The following ADAM12 variants were observed in gnomAD, a reference collection of about 807,000 sequenced individuals.
ADAM12 encodes the protein ADAM metallopeptidase domain 12.
In ADAM12, 70 loss-of-function variants were observed where a neutral mutation model predicts 106.4. That is an observed-to-expected ratio of 0.66 (90% CI 0.54 to 0.80). The LOEUF (loss-of-function observed/expected upper bound fraction) is 0.80. Among genes scored for constraint, ADAM12 ranks in the 30% least tolerant of loss-of-function variants. The pLI is 0.00. For missense variants in ADAM12, 1,010 were observed against 1,171.9 expected (o/e 0.86, Z 2.02); for synonymous variants, 420 against 433.5 (o/e 0.97, Z 0.39).
intron 1 of ADAM12, among the ~76,000 whole-genome samples, chr10:126,360,814 A>G (rs1361717454): frequency 6.6e-6 from 1 of 152,182 alleles, no homozygotes; most frequent in Non-Finnish European, 1.5e-5. Flanking sequence ...ACTGGTACCA[A>G]TTTACTGTAT....
chr10:126,218,384 G>A (rs1958028715), intron 3 of ADAM12, among the ~76,000 whole-genome samples: 1 of 152,158 alleles, frequency 6.6e-6, no homozygotes, highest in East Asian at 1.9e-4. Context: ...TTTGCAGAGG[G>A]GGAAACCAAG....
chr10:126,318,757 C>G (rs574948077), intron 2 of ADAM12, among the ~76,000 whole-genome samples: 2 of 152,310 alleles, frequency 1.3e-5, no homozygotes, highest in African/African-American at 4.8e-5. Flanking sequence ...TTAGTCTACT[C>G]TCACACTGCT....
rs144910661 is a variant in ADAM12, at chr10:126,132,271, G to A, written c.416+3313C>T. Among the ~76,000 whole-genome samples, 1,271 of 152,108 alleles carry A rather than the reference G, an allele frequency of 8.4e-3. 11 individuals carry two copies. The highest frequency in any genetic ancestry group is 0.017 in the Middle Eastern group (5 of 294). Reference sequence around the variant, plus strand: ...TACAGGCGTGAGCCACCGCGCCCCCGGGCAGCTTTTCTCTTCTTTACACAC... The same window carrying A: ...TACAGGCGTGAGCCACCGCGCCCCCAGGCAGCTTTTCTCTTCTTTACACAC... On this transcript the variant is annotated intron_variant, in intron 5 of 22. Transcript: ENST00000448723.
chr10:126,157,032 T>G lies in ADAM12; in HGVS notation c.261-1727A>C, dbSNP rs11244852. Among the ~76,000 whole-genome samples, 1,476 of 151,290 alleles carry G rather than the reference T, an allele frequency of 9.8e-3. 20 individuals are homozygous for G. Among genetic ancestry groups the G allele is most frequent in the African/African-American group, 0.028 (1,131 of 41,054 alleles). On this transcript the variant is annotated intron_variant, in intron 3 of 22. Transcript: ENST00000448723. ...CCGTTTGGTTTTGTGTGTGTGTGTG[T>G]GGGGGGGTGCTCCTCCACTCTTGAT...
intron 1 of ADAM12, among the ~76,000 whole-genome samples, chr10:126,359,567 C>T (rs1855668294): frequency 6.6e-6 from 1 of 152,226 alleles, no homozygotes; most frequent in Admixed American, 6.5e-5. Flanking sequence ...CCAAAATGAT[C>T]TCCTCTGACT....
chr10:126,139,592 T>C (rs1323488916), intron 4 of ADAM12, among the ~76,000 whole-genome samples: 4 of 150,412 alleles, frequency 2.7e-5, no homozygotes, highest in African/African-American at 4.9e-5. Flanking sequence ...GCAGGGGCCA[T>C]GGCAGGAGAG....
At chr10:126,152,630 T>C (rs1163415281) in intron 4 of ADAM12, among the ~76,000 whole-genome samples, 1 of 152,014 alleles carries the variant, frequency 6.6e-6, no homozygotes, top group East Asian at 1.9e-4. Flanking sequence ...TTCCTTTTCT[T>C]AGTTCTCACA....
At chr10:126,171,201 AT>A (rs1290727307) in intron 3 of ADAM12, among the ~76,000 whole-genome samples, 1 of 152,220 alleles carries the variant, frequency 6.6e-6, no homozygotes. Context: ...TTTAGTCAGA[AT>A]GATGGTTGGG....
intron 2 of ADAM12, among the ~76,000 whole-genome samples, chr10:126,286,292 G>A (rs1959857928): frequency 6.6e-6 from 1 of 152,048 alleles, no homozygotes; most frequent in Non-Finnish European, 1.5e-5. Context: ...CTGGCAGGCA[G>A]GAGGGAATTA....
At chr10:126,333,085 G>C (rs1032679220) in intron 1 of ADAM12, among the ~76,000 whole-genome samples, 1 of 152,152 alleles carries the variant, frequency 6.6e-6, no homozygotes, top group African/African-American at 2.4e-5. Flanking sequence ...GAGTTACCAC[G>C]GGCATTGGCG....
chr10:126,380,009 C>T (rs1856434236), intron 1 of ADAM12, among the ~76,000 whole-genome samples: 1 of 152,142 alleles, frequency 6.6e-6, no homozygotes, highest in African/African-American at 2.4e-5. Context: ...GGTAAACAGA[C>T]AGAAAACGTT....
intron 11 of ADAM12, among the ~76,000 whole-genome samples, chr10:126,074,358 G>T (rs370904979): frequency 1.3e-5 from 2 of 152,108 alleles, no homozygotes; most frequent in African/African-American, 4.8e-5. Context: ...GACCAGCTCC[G>T]TTCACTAAGC....
chr10:126,280,366 T>C (rs17685071), intron 2 of ADAM12, among the ~76,000 whole-genome samples: 2,436 of 152,308 alleles, frequency 0.016, 33 homozygotes, highest in Admixed American at 0.025. Context: ...GTGTCTCTCA[T>C]GGTAGCCATT....
chr10:126,062,630 C>T (rs1954781870), intron 14 of ADAM12, among the ~76,000 whole-genome samples: 1 of 152,194 alleles, frequency 6.6e-6, no homozygotes, highest in African/African-American at 2.4e-5. Context: ...AGGCACACAG[C>T]CAGCTGAGTC....
intron 14 of ADAM12, among the ~76,000 whole-genome samples, chr10:126,058,276 A>G (rs1172499251): frequency 6.6e-6 from 1 of 152,232 alleles, no homozygotes; most frequent in Non-Finnish European, 1.5e-5. Context: ...ATGTGTTCCA[A>G]GAACGAATGA....
rs140659363 is a variant in ADAM12, at chr10:126,123,871, C to T, written c.417-5647G>A. On this transcript the variant is annotated intron_variant, in intron 5 of 22. Coordinates refer to ENST00000448723, the MANE Select transcript of ADAM12 (RefSeq NM_001288973.2). ...ATGGAGCCGCTGCTTTGAAAACCAG[C>T]GGCCTTCCTTTAACATGTAAAATCC... Among the ~76,000 whole-genome samples, 198 of 152,202 alleles carry T rather than the reference C, an allele frequency of 1.3e-3. 1 individual carries two copies. Among genetic ancestry groups the T allele is most frequent in the African/African-American group, 4.5e-3 (187 of 41,564 alleles).
At chr10:126,110,159 A>G (rs917798217) in intron 6 of ADAM12, among the ~76,000 whole-genome samples, 1 of 151,970 alleles carries the variant, frequency 6.6e-6, no homozygotes, top group Non-Finnish European at 1.5e-5. Context: ...ACAAAACCAA[A>G]GCACTCTCTA....
chr10:126,101,025 C>T (rs372652128), intron 9 of ADAM12, 47 bp downstream of exon 9: 23 of 1,601,538 alleles, frequency 1.4e-5, no homozygotes, highest in Middle Eastern at 4.0e-4. Context: ...AGGGCTTCGC[C>T]GAGAGCACTC....
At chr10:126,150,748 G>C (rs1401003104) in intron 4 of ADAM12, among the ~76,000 whole-genome samples, 1 of 152,046 alleles carries the variant, frequency 6.6e-6, no homozygotes, top group Admixed American at 6.5e-5. Context: ...CTTCCATTCT[G>C]TCATCAGAGA....
Sources: allele counts gnomAD v4.1 joint callset (sites outside exome capture counted in the v4.1 genomes callset), GRCh38; gene constraint gnomAD v4.1.1; transcripts MANE v1.5; gene names NCBI Gene and HGNC (gene_info 2026-07-23, HGNC 2026-07-21).